The following CD302 variants were observed in gnomAD, a reference collection of about 807,000 sequenced individuals.
CD302 encodes CD302 antigen.
A neutral mutation model predicts 26.5 loss-of-function variants in CD302; 23 were observed. The ratio of observed to expected loss-of-function variants is 0.87; its 90% CI spans 0.62 to 1.23. The LOEUF (loss-of-function observed/expected upper bound fraction) is 1.23, where lower values mean the gene tolerates loss of function less well. CD302 is among the 50% of genes most tolerant of loss of function. The pLI is 0.00. For synonymous variants in CD302, 90 were observed against 99.4 expected (o/e 0.91, Z 0.56); for missense variants, 290 against 275.5 (o/e 1.05, Z -0.37).
At chr2:159,787,231 T>C (rs985123308) in intron 1 of CD302, among the ~76,000 whole-genome samples, 14 of 152,310 alleles carry the variant, frequency 9.2e-5, no homozygotes, top group Admixed American at 9.2e-4. Flanking sequence ...TCTAAGTAGT[T>C]ATAATTCTTG....
intron 1 of CD302, among the ~76,000 whole-genome samples, chr2:159,784,926 G>T (rs190825075): frequency 6.6e-6 from 1 of 151,272 alleles, no homozygotes; most frequent in African/African-American, 2.4e-5. Flanking sequence ...CAACATAGCG[G>T]TCTTGCCTTT....
At chr2:159,778,433 AAAC>A (rs1303384612) in intron 4 of CD302, among the ~76,000 whole-genome samples, 2 of 152,252 alleles carry the variant, frequency 1.3e-5, no homozygotes, top group African/African-American at 4.8e-5. Context: ...ATTTTTTAAA[AAAC>A]AAATATTTGA....
At chr2:159,796,769 A>G (rs1362435108) in intron 1 of CD302, among the ~76,000 whole-genome samples, 1 of 152,234 alleles carries the variant, frequency 6.6e-6, no homozygotes, top group Non-Finnish European at 1.5e-5. Flanking sequence ...GCTTCACTGA[A>G]GAAGAGACAT....
intron 5 of CD302, among the ~76,000 whole-genome samples, chr2:159,775,378 T>C (rs1708280614): frequency 6.6e-6 from 1 of 152,256 alleles, no homozygotes; most frequent in African/African-American, 2.4e-5. Flanking sequence ...CTTTCAACTA[T>C]TCGTTTTTGA....
intron 5 of CD302, among the ~76,000 whole-genome samples, chr2:159,772,879 G>A (rs1708198417): frequency 6.6e-6 from 1 of 152,170 alleles, no homozygotes; most frequent in African/African-American, 2.4e-5. Flanking sequence ...GAGAGCCATT[G>A]ATACTTTTCA....
At chr2:159,773,651 TTTAG>T (rs1708222956) in intron 5 of CD302, among the ~76,000 whole-genome samples, 3 of 152,168 alleles carry the variant, frequency 2.0e-5, no homozygotes, top group Admixed American at 1.3e-4. Flanking sequence ...CTCCAGGGGT[TTTAG>T]TTAGCTAGCT....
Position 159,771,814 on chromosome 2 carries a change from C to T in CD302, c.*37G>A. The T allele has an allele frequency of 1.2e-6, 2 of 1,602,978 alleles. No homozygotes were observed. Among genetic ancestry groups the T allele is most frequent in the Non-Finnish European group, 8.5e-7 (1 of 1,171,336 alleles). On this transcript the variant is annotated 3_prime_UTR_variant, in exon 6 of 6. Transcript: ENST00000259053. ...CTTTCCCAAGTTATCTCTGCCAGGG[C>T]ATTTTGTTGATGTCTTAGTGCAAGA...
At chr2:159,773,465 T>C (rs1485455155) in intron 5 of CD302, among the ~76,000 whole-genome samples, 1 of 152,224 alleles carries the variant, frequency 6.6e-6, no homozygotes, top group Non-Finnish European at 1.5e-5. Context: ...AATTACATGA[T>C]AGTAATATAG....
At chr2:159,786,415 C>T (rs1708667175) in intron 1 of CD302, among the ~76,000 whole-genome samples, 1 of 150,960 alleles carries the variant, frequency 6.6e-6, no homozygotes, top group African/African-American at 2.4e-5. Flanking sequence ...CTCAATGCAA[C>T]CTCTGCCTCC....
Position 159,769,625 on chromosome 2 carries a change from A to AGTGTAGCCACT in CD302, c.*2225_*2226insAGTGGCTACAC, listed in dbSNP as rs1443289233. 1 of 138,100 alleles carries AGTGTAGCCACT rather than the reference A, an allele frequency of 7.2e-6. No homozygotes were observed. Among genetic ancestry groups the AGTGTAGCCACT allele is most frequent in the East Asian group, 2.0e-4 (1 of 4,882 alleles). 8.6% of individuals were successfully genotyped at this position (138,100 alleles called of 1,614,324 possible). On this transcript the variant is annotated 3_prime_UTR_variant, in exon 6 of 6. Transcript: ENST00000259053. ...CGAGCCACTGCACTGTAGCCTGGGC[A>AGTGTAGCCACT]GCACAGTGAGACTCCATCATATATA...
Position 159,768,726 on chromosome 2 carries a change from TTGTC to T in CD302, c.*3121_*3124del, listed in dbSNP as rs376620336. On this transcript the variant is annotated 3_prime_UTR_variant, in exon 6 of 6. Transcript: ENST00000259053. ...TCACCTCTTGCCAGTTACCTTTGCA[TTGTC>T]TGTCTTAAAGCAAAAATATAAAATT... 27 of 152,666 alleles carry T rather than the reference TTGTC, an allele frequency of 1.8e-4. No individual in the cohort carries two copies. In the East Asian group the frequency reaches 4.0e-3, roughly 23 times the overall value. 9.5% of individuals were successfully genotyped at this position (152,666 alleles called of 1,614,324 possible).
At chr2:159,782,433 AAAAAAAG>A (rs1708544284) in intron 2 of CD302, among the ~76,000 whole-genome samples, 1 of 145,244 alleles carries the variant, frequency 6.9e-6, no homozygotes, top group Non-Finnish European at 1.5e-5. Context: ...AAAAAAAAAA[AAAAAAAG>A]ACATTTTTTT....
At chr2:159,772,748 A>G (rs1708194084) in intron 5 of CD302, among the ~76,000 whole-genome samples, 1 of 152,188 alleles carries the variant, frequency 6.6e-6, no homozygotes, top group Non-Finnish European at 1.5e-5. Context: ...ATTTTGACAG[A>G]TTTTTTATTA....
chr2:159,774,524 T>TTTAA (rs1442240498), intron 5 of CD302, among the ~76,000 whole-genome samples: 3 of 152,208 alleles, frequency 2.0e-5, no homozygotes, highest in Non-Finnish European at 4.4e-5. Flanking sequence ...CAACTGTGCA[T>TTTAA]TTAATTCTGA....
chr2:159,789,589 C>G (rs1396362534), intron 1 of CD302, among the ~76,000 whole-genome samples: 1 of 150,658 alleles, frequency 6.6e-6, no homozygotes, highest in African/African-American at 2.4e-5. Context: ...TGGTAGTTTT[C>G]TATCAAATGC....
chr2:159,776,439 C>T (rs1046237309), intron 5 of CD302, among the ~76,000 whole-genome samples: 8 of 150,964 alleles, frequency 5.3e-5, no homozygotes, highest in Admixed American at 2.0e-4. Flanking sequence ...CTGGATCATA[C>T]GGTAATTCTT....
At chr2:159,789,744 G>A (rs1245505721) in intron 1 of CD302, among the ~76,000 whole-genome samples, 1 of 152,208 alleles carries the variant, frequency 6.6e-6, no homozygotes, top group Admixed American at 6.5e-5. Context: ...CCAGTTGAAA[G>A]CCTGGATATT....
chr2:159,771,774 G>GTT lies in CD302; in HGVS notation c.*75_*76dup, dbSNP rs1321124630. ...TTAAAGCTCTAATATCCAATGTCAAGTTTTATATTAAAATCTTTCCCAAGT... is the reference window on the plus strand; with the variant it reads ...TTAAAGCTCTAATATCCAATGTCAAGTTTTTTATATTAAAATCTTTCCCAAGT... On this transcript the variant is annotated 3_prime_UTR_variant, in exon 6 of 6. Coordinates refer to ENST00000259053, the MANE Select transcript of CD302 (RefSeq NM_014880.5). 13 of 1,502,592 alleles carry GTT rather than the reference G, an allele frequency of 8.7e-6. No homozygotes were observed. The highest frequency in any genetic ancestry group is 1.8e-5 in the Admixed American group (1 of 54,456). The allele number at this position is 1,502,592 out of a possible 1,614,324, so 93.1% of individuals were successfully genotyped here. A position where few individuals can be genotyped will look rare whatever the true frequency, so the allele number is the denominator to read the frequency against.
chr2:159,786,414 A>G (rs1574497780), intron 1 of CD302, among the ~76,000 whole-genome samples: 1 of 149,818 alleles, frequency 6.7e-6, no homozygotes, highest in African/African-American at 2.5e-5. Flanking sequence ...GCTCAATGCA[A>G]CCTCTGCCTC....
Sources: gnomAD v4.1 joint callset for allele counts (sites outside exome capture counted in the v4.1 genomes callset) on GRCh38, gnomAD v4.1.1 for gene constraint, MANE v1.5 for transcripts, NCBI Gene and HGNC (gene_info 2026-07-23, HGNC 2026-07-21) for gene names.